Variants in PLD5 observed in about 807,000 individuals in gnomAD.
PLD5 encodes inactive phospholipase D5.
In PLD5, 36 loss-of-function variants were observed where a neutral mutation model predicts 61.1. The ratio of observed to expected loss-of-function variants is 0.59; its 90% CI spans 0.45 to 0.78. The LOEUF is 0.78. PLD5 is among the 30% of genes least tolerant of loss of function. PLD5 has a pLI of 0.00. For synonymous variants in PLD5, 243 were observed against 242.8 expected (o/e 1.00, Z -0.01); for missense variants, 515 against 644.4 (o/e 0.80, Z 2.17).
chr1:242,276,805 C>T (rs1674439841), intron 3 of PLD5, among the ~76,000 whole-genome samples: 1 of 152,030 alleles, frequency 6.6e-6, no homozygotes, highest in Non-Finnish European at 1.5e-5. Context: ...GGCATGCAGG[C>T]TGCCTGTCCA....
chr1:242,377,098 T>C, intron 1 of PLD5: 1 of 1,611,804 alleles, frequency 6.2e-7, no homozygotes, highest in Non-Finnish European at 8.5e-7. Context: ...TCCTGTTGGT[T>C]ATCTTCCCCA....
intron 1 of PLD5, among the ~76,000 whole-genome samples, chr1:242,435,440 C>G (rs1665947409): frequency 6.7e-6 from 1 of 149,276 alleles, no homozygotes; most frequent in African/African-American, 2.6e-5. Context: ...TTAAAATGCC[C>G]CCCAGGTGTA....
chr1:242,383,795 C>T (rs1662439768), intron 1 of PLD5, among the ~76,000 whole-genome samples: 1 of 152,156 alleles, frequency 6.6e-6, no homozygotes, highest in Admixed American at 6.5e-5. Flanking sequence ...TTTCGCCTTT[C>T]AAACACAGCT....
intron 3 of PLD5, among the ~76,000 whole-genome samples, chr1:242,283,414 G>A (rs71650687): frequency 6.6e-6 from 1 of 152,152 alleles, no homozygotes; most frequent in South Asian, 2.1e-4. Context: ...CATTATAAAA[G>A]ACATCTGGGC....
At chr1:242,146,943 TAGGTG>T (rs1370427599) in intron 5 of PLD5, among the ~76,000 whole-genome samples, 1 of 152,228 alleles carries the variant, frequency 6.6e-6, no homozygotes, top group East Asian at 1.9e-4. Flanking sequence ...AACTAATGTT[TAGGTG>T]AGTGACAGTT....
chr1:242,288,934 A>G (rs918499137), intron 2 of PLD5, among the ~76,000 whole-genome samples: 4 of 152,128 alleles, frequency 2.6e-5, no homozygotes, highest in African/African-American at 9.7e-5. Flanking sequence ...GAGACTATAA[A>G]TTGAGTTTTG....
intron 2 of PLD5, among the ~76,000 whole-genome samples, chr1:242,297,680 C>T (rs772389314): frequency 2.0e-4 from 28 of 142,336 alleles, no homozygotes; most frequent in Non-Finnish European, 3.7e-4. Context: ...TCGCCCAGGC[C>T]GGACTGCGGA....
chr1:242,344,210 C>G (rs1660001059), intron 2 of PLD5, among the ~76,000 whole-genome samples: 1 of 152,190 alleles, frequency 6.6e-6, no homozygotes, highest in South Asian at 2.1e-4. Flanking sequence ...TCAAATATGA[C>G]CCTCTAACCA....
At chr1:242,099,540 C>T (rs145300746) in intron 9 of PLD5, among the ~76,000 whole-genome samples, 224 of 152,292 alleles carry the variant, frequency 1.5e-3, no homozygotes, top group Middle Eastern at 6.8e-3. Context: ...CGGCCAGTGG[C>T]AGTGTCTGCA....
At chr1:242,433,160 T>C (rs1665809339) in intron 1 of PLD5, among the ~76,000 whole-genome samples, 1 of 150,248 alleles carries the variant, frequency 6.7e-6, no homozygotes, top group Non-Finnish European at 1.5e-5. Context: ...AAGTTCTGAT[T>C]CTTTCATAAA....
chr1:242,511,704 A>T (rs751632367), intron 1 of PLD5, among the ~76,000 whole-genome samples: 1 of 152,210 alleles, frequency 6.6e-6, no homozygotes, highest in African/African-American at 2.4e-5. Flanking sequence ...ACTGTCATGG[A>T]CAAGAGGTGA....
chr1:242,364,974 GAAA>G (rs35043995), intron 1 of PLD5, among the ~76,000 whole-genome samples: 17 of 149,270 alleles, frequency 1.1e-4, no homozygotes, highest in East Asian at 3.9e-4. Flanking sequence ...TACAGATAAG[GAAA>G]AAAAAAAAAG....
chr1:242,377,109 G>A lies in PLD5; in HGVS notation c.190-28867C>T. On this transcript the variant is annotated intron_variant, in intron 1 of 9. Coordinates refer to ENST00000536534, the MANE Select transcript of PLD5 (RefSeq NM_001372062.1). ...GTTCTCCTGTTGGTTATCTTCCCCA[G>A]CCCCATTTTGCTTGGACACTGGCTG... The A allele has an allele frequency of 3.7e-6, 6 of 1,611,682 alleles. No individual in the cohort carries two copies. The African/African-American group carries it at 4.0e-5, about 11-fold the overall frequency.
chr1:242,274,036 A>G (rs1674266344), intron 3 of PLD5, among the ~76,000 whole-genome samples: 1 of 152,248 alleles, frequency 6.6e-6, no homozygotes, highest in Non-Finnish European at 1.5e-5. Context: ...TCTGTTTCTT[A>G]AACCAAAAAG....
intron 6 of PLD5, among the ~76,000 whole-genome samples, chr1:242,121,977 A>T (rs1196289623): frequency 6.6e-6 from 1 of 151,790 alleles, no homozygotes; most frequent in East Asian, 1.9e-4. Context: ...GCATTAGGAG[A>T]TACACCTAAT....
intron 1 of PLD5, among the ~76,000 whole-genome samples, chr1:242,379,291 C>T (rs536575365): frequency 6.6e-6 from 1 of 152,312 alleles, no homozygotes; most frequent in Non-Finnish European, 1.5e-5. Flanking sequence ...CTTCAGATGG[C>T]TCACATGCTA....
At chr1:242,245,937 G>A (rs1416527205) in intron 4 of PLD5, among the ~76,000 whole-genome samples, 7 of 151,948 alleles carry the variant, frequency 4.6e-5, no homozygotes, top group South Asian at 2.1e-4. Context: ...TATACCATAC[G>A]CCCAAGTTTC....
intron 3 of PLD5, among the ~76,000 whole-genome samples, chr1:242,273,602 C>G (rs1401341157): frequency 6.6e-6 from 1 of 152,146 alleles, no homozygotes; most frequent in Non-Finnish European, 1.5e-5. Context: ...AAAAATGGCT[C>G]CCCAAAGATA....
chr1:242,451,128 GA>G (rs1666760840), intron 1 of PLD5, among the ~76,000 whole-genome samples: 2 of 152,146 alleles, frequency 1.3e-5, no homozygotes, highest in South Asian at 4.1e-4. Flanking sequence ...GTGTGACCAG[GA>G]AAAAAAGCAT....
Sources: allele counts gnomAD v4.1 joint callset (sites outside exome capture counted in the v4.1 genomes callset), GRCh38; gene constraint gnomAD v4.1.1; transcripts MANE v1.5; gene names NCBI Gene and HGNC (gene_info 2026-07-23, HGNC 2026-07-21).